The following ATF7IP variants were observed in gnomAD, a reference collection of about 807,000 sequenced individuals.
The protein encoded by ATF7IP is activating transcription factor 7 interacting protein.
Under a neutral mutation model 106.4 loss-of-function variants are expected in ATF7IP, and 23 were observed. The observed-to-expected ratio is 0.22, with a 90% CI of 0.16 to 0.31. ATF7IP has a LOEUF of 0.31. Among genes scored for constraint, ATF7IP ranks in the 10% least tolerant of loss-of-function variants. The pLI is 1.00. For missense variants in ATF7IP, 1,334 were observed against 1,524.3 expected, an observed-to-expected ratio of 0.88 and a Z score of 2.08; for synonymous variants, 542 against 539.0, an observed-to-expected ratio of 1.01 and a Z score of -0.08.
chr12:14,472,119 TA>T (rs36058865), intron 10 of ATF7IP, among the ~76,000 whole-genome samples: 64,605 of 151,942 alleles, frequency 0.43, 14,584 homozygotes, highest in East Asian at 0.59. Flanking sequence ...TATAGTGTAG[TA>T]TTTTAAGGAC....
At chr12:14,386,693 A>C (rs1939259897) in intron 1 of ATF7IP, among the ~76,000 whole-genome samples, 1 of 152,174 alleles carries the variant, frequency 6.6e-6, no homozygotes, top group Non-Finnish European at 1.5e-5. Flanking sequence ...GTATTTAATA[A>C]AATGACAATA....
At chr12:14,373,438 A>G (rs986901529) in intron 1 of ATF7IP, among the ~76,000 whole-genome samples, 3 of 152,214 alleles carry the variant, frequency 2.0e-5, no homozygotes, top group Non-Finnish European at 4.4e-5. Context: ...GGCAAGGAAG[A>G]AAGAACAATG....
chr12:14,456,458 G>C (rs952329406), intron 6 of ATF7IP, 103 bp from the exon 7 acceptor site: 1 of 724,678 alleles, frequency 1.4e-6, no homozygotes. Flanking sequence ...TATTAGAACA[G>C]TGACAGATAA....
At chr12:14,450,886 G>A (rs1021125236) in intron 6 of ATF7IP, among the ~76,000 whole-genome samples, 5 of 151,846 alleles carry the variant, frequency 3.3e-5, no homozygotes, top group African/African-American at 4.8e-5. Context: ...AGTGATTTGT[G>A]TGCCTCAACC....
intron 5 of ATF7IP, among the ~76,000 whole-genome samples, chr12:14,441,869 T>C (rs778433707): frequency 4.3e-4 from 66 of 152,328 alleles, no homozygotes; most frequent in Non-Finnish European, 8.1e-4. Flanking sequence ...TCTCCCGTTC[T>C]GTAATTTGTC....
At chr12:14,466,740 G>A in intron 10 of ATF7IP, 150 bp downstream of exon 10, 1 of 668,924 alleles carries the variant, frequency 1.5e-6, no homozygotes, top group South Asian at 2.1e-5. Context: ...TGTAATGTTT[G>A]ACAAGAATTG....
intron 5 of ATF7IP, among the ~76,000 whole-genome samples, chr12:14,445,320 C>T (rs1223324321): frequency 1.3e-5 from 2 of 151,714 alleles, no homozygotes; most frequent in South Asian, 2.1e-4. Flanking sequence ...GAAAAAATGA[C>T]ATTCTCGCAT....
chr12:14,484,293 G>C (rs1004156344), intron 13 of ATF7IP, among the ~76,000 whole-genome samples: 10 of 152,118 alleles, frequency 6.6e-5, no homozygotes, highest in Admixed American at 4.6e-4. Context: ...GGTGATGACA[G>C]GGGTGGCTGG....
chr12:14,476,007 C>A (rs753830763), intron 11 of ATF7IP, 39 bp downstream of exon 11: 2 of 1,502,884 alleles, frequency 1.3e-6, no homozygotes, highest in South Asian at 1.1e-5. Context: ...CGTTTTGATA[C>A]CATTTTTTTT....
intron 1 of ATF7IP, among the ~76,000 whole-genome samples, chr12:14,379,685 G>C (rs1380671809): frequency 6.6e-6 from 1 of 152,118 alleles, no homozygotes; most frequent in Non-Finnish European, 1.5e-5. Context: ...TGATAGTTTG[G>C]CTGGGTATAG....
chr12:14,378,619 C>T (rs1938866222), intron 1 of ATF7IP, among the ~76,000 whole-genome samples: 3 of 152,202 alleles, frequency 2.0e-5, no homozygotes, highest in African/African-American at 7.2e-5. Context: ...ATGTTAACCA[C>T]AATTAAATCA....
At chr12:14,403,025 G>T (rs1940344792) in intron 1 of ATF7IP, among the ~76,000 whole-genome samples, 1 of 151,992 alleles carries the variant, frequency 6.6e-6, no homozygotes, top group Admixed American at 6.5e-5. Flanking sequence ...TGTCTGTGGT[G>T]TTTTATTACT....
chr12:14,474,838 A>T (rs74068607), intron 10 of ATF7IP, among the ~76,000 whole-genome samples: 3,036 of 152,232 alleles, frequency 0.02, 97 homozygotes, highest in African/African-American at 0.069. Context: ...TAATGATAAT[A>T]TGTTGTAGTG....
At chr12:14,494,431 ATAT>A (rs973695200) in intron 13 of ATF7IP, among the ~76,000 whole-genome samples, 1 of 144,212 alleles carries the variant, frequency 6.9e-6, no homozygotes, top group Non-Finnish European at 1.5e-5. Flanking sequence ...TATATTTTAT[ATAT>A]TATATATGTA....
At chr12:14,386,626 G>A (rs1425494153) in intron 1 of ATF7IP, among the ~76,000 whole-genome samples, 1 of 152,044 alleles carries the variant, frequency 6.6e-6, no homozygotes, top group Non-Finnish European at 1.5e-5. Context: ...AAAAGGACAC[G>A]TGATATTTTA....
Position 14,434,491 on chromosome 12 carries a change from C to T in ATF7IP, c.1645+68C>T, listed in dbSNP as rs558163255. 5.7e-5 allele frequency: 57 copies of T among 1,006,452 alleles called. No individual in the cohort carries two copies. In the African/African-American group the frequency reaches 6.5e-4, roughly 12 times the overall value. 62.3% of individuals were successfully genotyped at this position (1,006,452 alleles called of 1,614,324 possible). A position where few individuals can be genotyped will look rare whatever the true frequency, so the allele number is the denominator to read the frequency against. On this transcript the variant is annotated intron_variant, in intron 3 of 14. Coordinates refer to ENST00000261168, the MANE Select transcript of ATF7IP (RefSeq NM_018179.5). ...AATTCACTGTTTCTATATTTACAACCGTGTAATATTCTTTTTTGCCCATGA... is the reference window on the plus strand; with the variant it reads ...AATTCACTGTTTCTATATTTACAACTGTGTAATATTCTTTTTTGCCCATGA...
At chr12:14,404,661 T>C (rs1940455252) in intron 1 of ATF7IP, among the ~76,000 whole-genome samples, 1 of 152,210 alleles carries the variant, frequency 6.6e-6, no homozygotes, top group African/African-American at 2.4e-5. Context: ...TTCACAACTC[T>C]CTTTTTTTTT....
intron 1 of ATF7IP, among the ~76,000 whole-genome samples, chr12:14,401,801 C>T (rs1455609403): frequency 6.7e-6 from 1 of 149,716 alleles, no homozygotes; most frequent in Non-Finnish European, 1.5e-5. Flanking sequence ...GCAGTCTCCA[C>T]CTCCTGGGTT....
chr12:14,460,254 G>A (rs1171549026), intron 8 of ATF7IP, among the ~76,000 whole-genome samples: 1 of 152,008 alleles, frequency 6.6e-6, no homozygotes, highest in Non-Finnish European at 1.5e-5. Context: ...CAGTAGTCTT[G>A]CATATTAATC....
Sources: allele counts gnomAD v4.1 joint callset (sites outside exome capture counted in the v4.1 genomes callset), GRCh38; gene constraint gnomAD v4.1.1; transcripts MANE v1.5; gene names NCBI Gene and HGNC (gene_info 2026-07-23, HGNC 2026-07-21).